The following CELF2 variants were observed in gnomAD, a reference collection of about 807,000 sequenced individuals.
CELF2 encodes CUG triplet repeat RNA-binding protein 2.
In CELF2, 8 loss-of-function variants were observed where a neutral mutation model predicts 62.6. The observed-to-expected ratio is 0.13, with a 90% CI of 0.07 to 0.23. The LOEUF (loss-of-function observed/expected upper bound fraction) is 0.23. Among genes scored for constraint, CELF2 ranks in the 10% least tolerant of loss-of-function variants. CELF2 has a pLI of 1.00. For missense variants in CELF2, 333 were observed against 671.0 expected, an observed-to-expected ratio of 0.50 and a Z score of 5.56; for synonymous variants, 258 against 250.0, an observed-to-expected ratio of 1.03 and a Z score of -0.30.
intron 1 of CELF2, among the ~76,000 whole-genome samples, chr10:10,838,386 C>T (rs1239724995): frequency 1.3e-5 from 2 of 152,120 alleles, no homozygotes; most frequent in African/African-American, 4.8e-5. Flanking sequence ...ATTCTTTCTC[C>T]CACCTCTTAC....
At chr10:10,770,556 G>A in the CELF2 span, among the ~76,000 whole-genome samples, 1 of 152,042 alleles carries the variant, frequency 6.6e-6, no homozygotes, top group Non-Finnish European at 1.5e-5. Flanking sequence ...AAATAGGAAG[G>A]AGGAAACAGA....
At chr10:10,559,523 C>T in the CELF2 span, among the ~76,000 whole-genome samples, 1 of 152,158 alleles carries the variant, frequency 6.6e-6, no homozygotes, top group African/African-American at 2.4e-5. Context: ...TGTATGGGCA[C>T]AGGTGGGTAA....
intron 1 of CELF2, among the ~76,000 whole-genome samples, chr10:11,136,191 A>G (rs1370260587): frequency 6.6e-6 from 1 of 152,228 alleles, no homozygotes; most frequent in Non-Finnish European, 1.5e-5. Context: ...CCAAATAGCA[A>G]ATATTTATTC....
chr10:11,172,224 G>A (rs957425762), intron 2 of CELF2, among the ~76,000 whole-genome samples: 2 of 151,976 alleles, frequency 1.3e-5, no homozygotes, highest in Non-Finnish European at 2.9e-5. Flanking sequence ...TTAATGTTAT[G>A]TTAACAGAAG....
At chr10:10,488,240 A>T in the CELF2 span, among the ~76,000 whole-genome samples, 11 of 152,164 alleles carry the variant, frequency 7.2e-5, no homozygotes, top group African/African-American at 2.7e-4. Context: ...TTTGGAAATC[A>T]ATATAGCGAT....
chr10:11,091,671 C>A (rs1374988972), intron 1 of CELF2, among the ~76,000 whole-genome samples: 1 of 152,302 alleles, frequency 6.6e-6, no homozygotes, highest in African/African-American at 2.4e-5. Context: ...TTTCCCCTAC[C>A]AGCCTAGTAG....
chr10:10,525,693 G>A, the CELF2 span, among the ~76,000 whole-genome samples: 4 of 152,178 alleles, frequency 2.6e-5, no homozygotes, highest in Admixed American at 1.3e-4. Flanking sequence ...ATAGTATTGG[G>A]TTTTGCATAT....
chr10:10,559,735 G>A, the CELF2 span, among the ~76,000 whole-genome samples: 2 of 152,284 alleles, frequency 1.3e-5, no homozygotes, highest in East Asian at 1.9e-4. Flanking sequence ...TGTAAGGTAG[G>A]ATTCATAGCA....
At chr10:10,688,504 C>G in the CELF2 span, among the ~76,000 whole-genome samples, 18 of 152,204 alleles carry the variant, frequency 1.2e-4, no homozygotes, top group Admixed American at 9.8e-4. Context: ...TGTGCCACAA[C>G]AGAGTAAACC....
chr10:11,099,869 A>AAACAAC (rs1237584657), intron 1 of CELF2, among the ~76,000 whole-genome samples: 2 of 143,886 alleles, frequency 1.4e-5, no homozygotes, highest in East Asian at 2.1e-4. Flanking sequence ...TTCTACATTA[A>AAACAAC]AACAACAACA....
At chr10:10,579,491 T>C in the CELF2 span, among the ~76,000 whole-genome samples, 1 of 152,164 alleles carries the variant, frequency 6.6e-6, no homozygotes, top group African/African-American at 2.4e-5. Flanking sequence ...CTCACTGAGC[T>C]GCATTTGTTA....
In CELF2 at chr10:11,290,656, G is replaced by A. The variant is rs1437925929; in HGVS notation, c.976+2104G>A. On this transcript the variant is annotated intron_variant, in intron 9 of 12. Transcript: ENST00000633077. This position sits in a 1 kb window ranked among gnomAD's most constrained non-coding sequence, Gnocchi z 4.3. ...AGACTGCAGTGGAGGAAAATGTGTT[G>A]TGGGATGAGCCTTCCTCCCTGCTGG... Among the ~76,000 whole-genome samples the A allele has an allele frequency of 1.3e-5, 2 of 152,166 alleles. No homozygotes were observed. Among genetic ancestry groups the A allele is most frequent in the Admixed American group, 6.5e-5 (1 of 15,278 alleles).
chr10:11,167,842 G>C (rs1394140065), intron 2 of CELF2, among the ~76,000 whole-genome samples: 1 of 152,154 alleles, frequency 6.6e-6, no homozygotes, highest in Non-Finnish European at 1.5e-5. Context: ...AAATCCAGAA[G>C]GTAGGTGGTG....
the CELF2 span, among the ~76,000 whole-genome samples, chr10:10,542,945 T>C: frequency 6.6e-6 from 1 of 152,226 alleles, no homozygotes; most frequent in African/African-American, 2.4e-5. Context: ...GACCAGGCCA[T>C]TGTCAGTCTG....
intron 1 of CELF2, among the ~76,000 whole-genome samples, chr10:11,137,218 G>C (rs1249807222): frequency 6.6e-6 from 1 of 152,230 alleles, no homozygotes; most frequent in Non-Finnish European, 1.5e-5. Context: ...ATTGCTGTAG[G>C]TTGGCTTTCT....
At chr10:11,069,879 C>T (rs944427996) in intron 1 of CELF2, among the ~76,000 whole-genome samples, 1 of 152,176 alleles carries the variant, frequency 6.6e-6, no homozygotes, top group African/African-American at 2.4e-5. Context: ...GAGCTAGAAC[C>T]TATTAGAGCT....
the CELF2 span, among the ~76,000 whole-genome samples, chr10:10,504,636 C>G: frequency 2.0e-5 from 3 of 152,132 alleles, no homozygotes; most frequent in Non-Finnish European, 4.4e-5. Flanking sequence ...CCACCTCCTT[C>G]TTTCCATCTG....
chr10:10,881,014 G>A (rs2093623), intron 1 of CELF2, among the ~76,000 whole-genome samples: 72,838 of 151,874 alleles, frequency 0.48, 18,005 homozygotes, highest in African/African-American at 0.56. Context: ...CATGTCACAT[G>A]GAATTCCAGA....
the CELF2 span, among the ~76,000 whole-genome samples, chr10:10,659,619 C>T: frequency 1.3e-5 from 2 of 152,182 alleles, no homozygotes; most frequent in African/African-American, 2.4e-5. Context: ...GTTCTGGCCT[C>T]ACCTCCAGTT....
Sources: allele counts gnomAD v4.1 joint callset (sites outside exome capture counted in the v4.1 genomes callset), GRCh38; gene constraint gnomAD v4.1.1; non-coding constraint Gnocchi (gnomAD v3.1); transcripts MANE v1.5; gene names NCBI Gene and HGNC (gene_info 2026-07-23, HGNC 2026-07-21).